The following CCDC102A variants were observed in gnomAD, a reference collection of about 807,000 sequenced individuals.
CCDC102A encodes coiled-coil domain containing 102A, also known as coiled-coil domain-containing protein 102A.
CCDC102A carries 40 observed loss-of-function variants against 55.5 expected under a neutral mutation model. That is an observed-to-expected ratio of 0.72 (90% CI 0.56 to 0.94). The LOEUF (loss-of-function observed/expected upper bound fraction) is 0.94. Ranked by LOEUF, CCDC102A falls within the 40% of genes least tolerant of loss-of-function variation. CCDC102A has a pLI of 0.00. For synonymous variants in CCDC102A, 323 were observed against 339.0 expected (o/e 0.95, Z 0.52); for missense variants, 779 against 768.6 (o/e 1.01, Z -0.16).
chr16:57,530,336 T>G (rs1225907296), intron 1 of CCDC102A, among the ~76,000 whole-genome samples: 10 of 152,032 alleles, frequency 6.6e-5, no homozygotes, highest in Admixed American at 6.5e-4. Flanking sequence ...GTCCCCAGTC[T>G]CCCTCCACTG....
intron 1 of CCDC102A, among the ~76,000 whole-genome samples, chr16:57,535,720 T>C (rs1351012394): frequency 3.3e-5 from 5 of 149,408 alleles, no homozygotes; most frequent in Non-Finnish European, 5.9e-5. Context: ...ATCACTGATA[T>C]GCTGTGTGAT....
At chr16:57,525,760 G>C (rs2032128094) in intron 3 of CCDC102A, 141 bp downstream of exon 3, 1 of 757,194 alleles carries the variant, frequency 1.3e-6, no homozygotes, top group South Asian at 1.7e-5. Flanking sequence ...GAGTTCTTGG[G>C]TGGAACACCA....
At chr16:57,514,866 G>T (rs1156868566) in intron 8 of CCDC102A, among the ~76,000 whole-genome samples, 1 of 152,164 alleles carries the variant, frequency 6.6e-6, no homozygotes, top group Non-Finnish European at 1.5e-5. Flanking sequence ...ACAGAGACAG[G>T]GTTGGGAGAG....
intron 8 of CCDC102A, among the ~76,000 whole-genome samples, chr16:57,513,256 G>A (rs1429487606): frequency 6.6e-6 from 1 of 152,184 alleles, no homozygotes; most frequent in Admixed American, 6.5e-5. Context: ...ACAGTGCAGG[G>A]TGGGCTGAGC....
chr16:57,518,400 C>A (rs1468199456), intron 5 of CCDC102A, 123 bp from the exon 6 acceptor site: 8 of 938,756 alleles, frequency 8.5e-6, no homozygotes, highest in Non-Finnish European at 1.3e-5. Flanking sequence ...GCTGCATTGG[C>A]TGTAATTAAG....
Position 57,515,396 on chromosome 16 carries a change from C to T in CCDC102A, c.1468G>A (p.Glu490Lys), listed in dbSNP as rs756313654. Reference protein sequence around the residue: ...QARKLQRSLDEQTEQSENLQV... With the variant: ...QARKLQRSLDKQTEQSENLQV... ...AGGTTCTCGCTCTGCTCCGTCTGCTCGTCCAGCGACCGCTGCAGCTTACGT... is the reference window on the plus strand; with the variant it reads ...AGGTTCTCGCTCTGCTCCGTCTGCTTGTCCAGCGACCGCTGCAGCTTACGT... The change falls in exon 8 of 9, where the codon GAG (glutamate) becomes AAG (lysine). Residue 490 changes from glutamate to lysine, a missense_variant. Physicochemically the swap from Glu to Lys is moderately conservative, Grantham distance 56 (BLOSUM62 1). Coordinates refer to ENST00000258214, the MANE Select transcript of CCDC102A (RefSeq NM_033212.4). The T allele has an allele frequency of 1.2e-6, 2 of 1,609,726 alleles. No homozygotes were observed. Among genetic ancestry groups the T allele is most frequent in the Non-Finnish European group, 1.7e-6 (2 of 1,179,194 alleles).
chr16:57,526,552 C>T (rs2146709783), intron 2 of CCDC102A, among the ~76,000 whole-genome samples: 1 of 152,326 alleles, frequency 6.6e-6, no homozygotes, highest in South Asian at 2.1e-4. Context: ...ACTGGTGACA[C>T]AGGGAAGCAG....
intron 1 of CCDC102A, among the ~76,000 whole-genome samples, chr16:57,531,817 G>C (rs1293305042): frequency 6.6e-6 from 1 of 152,098 alleles, no homozygotes; most frequent in Non-Finnish European, 1.5e-5. Flanking sequence ...GGCTTCTCCT[G>C]GCAAACGCCA....
At chr16:57,536,373 C>G (rs2032389414) in intron 1 of CCDC102A, 127 bp downstream of exon 1, 1 of 152,304 alleles carries the variant, frequency 6.6e-6, no homozygotes, top group Non-Finnish European at 1.5e-5. Flanking sequence ...GCGGGCGCCC[C>G]GACTGTGTCT....
In CCDC102A at chr16:57,529,730, A is replaced by G. The variant is rs574509722; in HGVS notation, c.-147-406T>C. 1.3e-5 allele frequency among the ~76,000 whole-genome samples: 2 copies of G among 152,020 alleles called. No homozygotes were observed. Among genetic ancestry groups the G allele is most frequent in the Non-Finnish European group, 2.9e-5 (2 of 67,994 alleles). Reference sequence around the variant, plus strand: ...ATATTTAAGACTCTTCTGAGGTATCACTTCCTCCTGGAAGCCCTCCTGGAG... The same window carrying G: ...ATATTTAAGACTCTTCTGAGGTATCGCTTCCTCCTGGAAGCCCTCCTGGAG... On this transcript the variant is annotated intron_variant, in intron 1 of 8. Coordinates refer to ENST00000258214, the MANE Select transcript of CCDC102A (RefSeq NM_033212.4). The surrounding 1 kb of genome is among the most constrained non-coding windows in gnomAD (Gnocchi z 4.1).
chr16:57,531,626 T>C (rs1422116422), intron 1 of CCDC102A, among the ~76,000 whole-genome samples: 1 of 152,104 alleles, frequency 6.6e-6, no homozygotes, highest in African/African-American at 2.4e-5. Flanking sequence ...CTAGCCTCAA[T>C]TCTAAGGTTA....
At chr16:57,518,347 C>T (rs1275649462) in intron 5 of CCDC102A, 70 bp from the exon 6 acceptor site, 15 of 1,449,920 alleles carry the variant, frequency 1.0e-5, no homozygotes, top group South Asian at 8.6e-5. Context: ...TGGATGCCCC[C>T]GCCACCTCCT....
intron 1 of CCDC102A, among the ~76,000 whole-genome samples, chr16:57,531,232 C>T (rs893339952): frequency 8.6e-5 from 13 of 151,994 alleles, no homozygotes; most frequent in African/African-American, 3.1e-4. Context: ...CCTCCATTCC[C>T]CCCGTGACCA....
At chr16:57,531,103 C>T (rs374576410) in intron 1 of CCDC102A, among the ~76,000 whole-genome samples, 1 of 152,156 alleles carries the variant, frequency 6.6e-6, no homozygotes, top group South Asian at 2.1e-4. Context: ...CGAGCCATCT[C>T]GCTATGTCCC....
At chr16:57,528,078 C>T (rs1228723974) in intron 2 of CCDC102A, among the ~76,000 whole-genome samples, 1 of 152,362 alleles carries the variant, frequency 6.6e-6, no homozygotes, top group African/African-American at 2.4e-5. Flanking sequence ...CACAGCCTCC[C>T]AAGTAGCTGG....
At chr16:57,534,824 C>T (rs2032340858) in intron 1 of CCDC102A, among the ~76,000 whole-genome samples, 1 of 152,198 alleles carries the variant, frequency 6.6e-6, no homozygotes. Flanking sequence ...AATAAGAGGT[C>T]ATCTCACGGC....
At chr16:57,534,634 C>T (rs1177982217) in intron 1 of CCDC102A, among the ~76,000 whole-genome samples, 1 of 152,164 alleles carries the variant, frequency 6.6e-6, no homozygotes, top group Non-Finnish European at 1.5e-5. Flanking sequence ...CAGCACAGGG[C>T]CCAGCATACA....
intron 4 of CCDC102A, among the ~76,000 whole-genome samples, chr16:57,519,093 A>C (rs1016861732): frequency 1.3e-5 from 2 of 150,646 alleles, no homozygotes; most frequent in African/African-American, 4.9e-5. Flanking sequence ...GTAAAGTCCA[A>C]CTCCTCTCTA....
At chr16:57,526,375 G>A (rs78143947) in intron 2 of CCDC102A, among the ~76,000 whole-genome samples, 2,331 of 152,352 alleles carry the variant, frequency 0.015, 64 homozygotes, top group African/African-American at 0.054. Flanking sequence ...CCCCAGGAGA[G>A]GTGGTGAGCT....
Sources: gnomAD v4.1 joint callset for allele counts (sites outside exome capture counted in the v4.1 genomes callset) on GRCh38, gnomAD v4.1.1 for gene constraint, Gnocchi (gnomAD v3.1) non-coding constraint, MANE v1.5 for transcripts, NCBI Gene and HGNC (gene_info 2026-07-23, HGNC 2026-07-21) for gene names.